NRG1: variants seen among roughly 807,000 people sequenced by gnomAD.
The protein encoded by NRG1 is neuregulin 1, also known as pro-neuregulin-1, membrane-bound isoform.
NRG1 carries 18 observed loss-of-function variants against 63.8 expected under a neutral mutation model. The observed-to-expected ratio is 0.28, with a 90% CI of 0.19 to 0.42. The LOEUF (loss-of-function observed/expected upper bound fraction) is 0.42, where lower values mean the gene tolerates loss of function less well. Ranked by LOEUF, NRG1 falls within the 10% of genes least tolerant of loss-of-function variation. The pLI is 1.00. For synonymous variants in NRG1, 302 were observed against 301.3 expected, an observed-to-expected ratio of 1.00 and a Z score of -0.02; for missense variants, 762 against 814.7, an observed-to-expected ratio of 0.94 and a Z score of 0.79.
intron 1 of NRG1, among the ~76,000 whole-genome samples, chr8:31,981,245 A>G (rs1809028507): frequency 6.6e-6 from 1 of 152,052 alleles, no homozygotes; most frequent in Admixed American, 6.6e-5. Flanking sequence ...ACAAAGAACA[A>G]TGTATAGCCA....
At chr8:32,486,189 C>A (rs2129494014) in intron 1 of NRG1, among the ~76,000 whole-genome samples, 1 of 152,284 alleles carries the variant, frequency 6.6e-6, no homozygotes, top group Non-Finnish European at 1.5e-5. Flanking sequence ...ACTTCGGCCT[C>A]CCAAAGTGCT....
intron 1 of NRG1, among the ~76,000 whole-genome samples, chr8:32,052,271 G>GTTTT (rs5890615): frequency 1.1e-5 from 1 of 91,408 alleles, no homozygotes; most frequent in Non-Finnish European, 2.2e-5. Context: ...CTTTCCTCCT[G>GTTTT]TTTTTTTTTT....
intron 1 of NRG1, among the ~76,000 whole-genome samples, chr8:32,380,229 A>G (rs62497649): frequency 6.6e-6 from 1 of 152,026 alleles, no homozygotes; most frequent in Non-Finnish European, 1.5e-5. Flanking sequence ...TTTGTCATCT[A>G]TAACACCATA....
At chr8:32,373,693 G>A (rs1258067128) in intron 1 of NRG1, among the ~76,000 whole-genome samples, 5 of 152,196 alleles carry the variant, frequency 3.3e-5, no homozygotes, top group South Asian at 2.1e-4. Flanking sequence ...CAGGAGAATC[G>A]CTTGATCCTG....
intron 1 of NRG1, among the ~76,000 whole-genome samples, chr8:32,089,854 T>C (rs1417258240): frequency 6.6e-6 from 1 of 152,248 alleles, no homozygotes; most frequent in East Asian, 1.9e-4. Flanking sequence ...GATTTCATTT[T>C]CATAATACTT....
At chr8:31,989,700 C>A (rs1201481730) in intron 1 of NRG1, among the ~76,000 whole-genome samples, 1 of 152,084 alleles carries the variant, frequency 6.6e-6, no homozygotes, top group African/African-American at 2.4e-5. Context: ...CCATTGAAAA[C>A]CTTCATGCCC....
chr8:32,711,285 TA>T (rs1441021417), intron 5 of NRG1, among the ~76,000 whole-genome samples: 1 of 151,764 alleles, frequency 6.6e-6, no homozygotes, highest in East Asian at 1.9e-4. Context: ...TGTTAAGGAC[TA>T]AAGGTGTTAA....
intron 1 of NRG1, among the ~76,000 whole-genome samples, chr8:32,577,427 C>G (rs1312949853): frequency 6.6e-6 from 1 of 152,192 alleles, no homozygotes; most frequent in Non-Finnish European, 1.5e-5. Flanking sequence ...AGGTCCCTGT[C>G]CTGCCACAGA....
rs1826696111 is a variant in NRG1 at position 32,742,950 on chromosome 8, G to T, written c.691+217G>T. On this transcript the variant is annotated intron_variant, in intron 7 of 11. Transcript: ENST00000356819. This position sits in a 1 kb window ranked among gnomAD's most constrained non-coding sequence, Gnocchi z 4.2. ...AGTTGGCTCTGAGATACTAATAGGTGTGTGAGGCTCCGGATGTTTCTGGAA... is the reference window on the plus strand; with the variant it reads ...AGTTGGCTCTGAGATACTAATAGGTTTGTGAGGCTCCGGATGTTTCTGGAA... 8 of 1,407,728 alleles carry T rather than the reference G, an allele frequency of 5.7e-6. No individual in the cohort carries two copies. 87.2% of individuals were successfully genotyped at this position (1,407,728 alleles called of 1,614,324 possible).
In NRG1 at chr8:31,745,954, T is replaced by A. The variant is rs117466563; in HGVS notation, c.37+106523T>A. 2.2e-4 allele frequency among the ~76,000 whole-genome samples: 34 copies of A among 152,086 alleles called. No individual in the cohort carries two copies. In the South Asian group the frequency reaches 4.6e-3, roughly 20 times the overall value. The stretch of plus-strand genomic sequence containing the variant: ...CACGAGATTACCACAGATACCCAGC[T>A]TGGGGACAGGACCACAGAAGAATAA... On this transcript the variant is annotated intron_variant, in intron 1 of 10. Coordinates refer to the NRG1 transcript ENST00000519301.
intron 1 of NRG1, among the ~76,000 whole-genome samples, chr8:32,511,342 T>A (rs1056420850): frequency 7.7e-5 from 11 of 142,702 alleles, no homozygotes; most frequent in African/African-American, 2.6e-4. Context: ...TGTGTGTGTG[T>A]GTGTCTGTCT....
chr8:31,717,686 A>G (rs1812495852), intron 1 of NRG1, among the ~76,000 whole-genome samples: 1 of 152,146 alleles, frequency 6.6e-6, no homozygotes, highest in Admixed American at 6.5e-5. Flanking sequence ...GTGATTTACA[A>G]TCTTTTAAAC....
intron 1 of NRG1, among the ~76,000 whole-genome samples, chr8:32,079,849 T>C (rs1462883): frequency 0.97 from 147,929 of 152,228 alleles, 72,021 homozygotes; most frequent in East Asian, 1. Context: ...GGATTTATTA[T>C]GTGTCTGTGG....
chr8:32,020,938 G>A (rs970669408), intron 1 of NRG1, among the ~76,000 whole-genome samples: 1 of 152,112 alleles, frequency 6.6e-6, no homozygotes, highest in African/African-American at 2.4e-5. Context: ...AAGATAGCCT[G>A]TATTTGTATT....
At chr8:32,037,776 C>A (rs1232503038) in intron 1 of NRG1, among the ~76,000 whole-genome samples, 1 of 152,220 alleles carries the variant, frequency 6.6e-6, no homozygotes, top group Non-Finnish European at 1.5e-5. Context: ...CTCGCTGGCA[C>A]CTGCAGCAGG....
intron 1 of NRG1, among the ~76,000 whole-genome samples, chr8:32,339,958 T>G (rs1803845265): frequency 6.6e-6 from 1 of 152,142 alleles, no homozygotes; most frequent in Non-Finnish European, 1.5e-5. Flanking sequence ...TGATGAGGTC[T>G]GAGATACTGG....
intron 5 of NRG1, among the ~76,000 whole-genome samples, chr8:32,645,682 A>C (rs1041661386): frequency 6.6e-5 from 10 of 152,174 alleles, no homozygotes; most frequent in Non-Finnish European, 2.9e-5. Context: ...TGTAGTATAG[A>C]TTTAGAGAGA....
intron 1 of NRG1, among the ~76,000 whole-genome samples, chr8:32,131,985 C>G (rs1281681525): frequency 5.9e-5 from 9 of 152,000 alleles, no homozygotes; most frequent in African/African-American, 2.2e-4. Context: ...TATTTAAAGG[C>G]AGAGGTTTTT....
chr8:31,731,189 T>C (rs1814009455), intron 1 of NRG1, among the ~76,000 whole-genome samples: 1 of 152,086 alleles, frequency 6.6e-6, no homozygotes, highest in Admixed American at 6.6e-5. Flanking sequence ...CACCTAAAAA[T>C]ATACCAGACA....
Sources: gnomAD v4.1 joint callset for allele counts (sites outside exome capture counted in the v4.1 genomes callset) on GRCh38, gnomAD v4.1.1 for gene constraint, Gnocchi (gnomAD v3.1) non-coding constraint, MANE v1.5 for transcripts, NCBI Gene and HGNC (gene_info 2026-07-23, HGNC 2026-07-21) for gene names.